The following KCNIP1 variants were observed in gnomAD, a reference collection of about 807,000 sequenced individuals.
KCNIP1 encodes A-type potassium channel modulatory protein KCNIP1.
A neutral mutation model predicts 33.0 loss-of-function variants in KCNIP1; 18 were observed. The observed-to-expected ratio is 0.55, with a 90% CI of 0.38 to 0.81. The LOEUF (loss-of-function observed/expected upper bound fraction) is 0.81, where lower values mean the gene tolerates loss of function less well. Among genes scored for constraint, KCNIP1 ranks in the 30% least tolerant of loss-of-function variants. The pLI is 0.00. For synonymous variants in KCNIP1, 93 were observed against 98.3 expected, an observed-to-expected ratio of 0.95 and a Z score of 0.32; for missense variants, 238 against 271.6, an observed-to-expected ratio of 0.88 and a Z score of 0.87.
intron 1 of KCNIP1, among the ~76,000 whole-genome samples, chr5:170,581,833 A>G (rs899351190): frequency 1.3e-5 from 2 of 152,212 alleles, no homozygotes; most frequent in African/African-American, 2.4e-5. Context: ...ACAGACTGTC[A>G]AGAAGCATGG....
At chr5:170,451,722 A>AC (rs746454413) in intron 1 of KCNIP1, among the ~76,000 whole-genome samples, 1,389 of 77,300 alleles carry the variant, frequency 0.018, 10 homozygotes, top group South Asian at 0.05. Context: ...CTTCTCCTGC[A>AC]TTGTGTGTGT....
chr5:170,633,128 A>G (rs1337416686), intron 1 of KCNIP1, among the ~76,000 whole-genome samples: 1 of 152,102 alleles, frequency 6.6e-6, no homozygotes. Context: ...TTCCCCAGGC[A>G]TTCTCGGGGT....
chr5:170,650,465 T>C (rs762162143), intron 1 of KCNIP1, among the ~76,000 whole-genome samples: 45 of 152,242 alleles, frequency 3.0e-4, no homozygotes, highest in Admixed American at 6.5e-4. Context: ...TTCTGCATTA[T>C]TCTGGGACTC....
intron 1 of KCNIP1, among the ~76,000 whole-genome samples, chr5:170,707,968 C>A (rs1422059622): frequency 6.6e-6 from 1 of 152,038 alleles, no homozygotes; most frequent in Non-Finnish European, 1.5e-5. Flanking sequence ...GAAAAAAATA[C>A]GTGGAACACT....
At chr5:170,667,798 A>G (rs1761762726) in intron 1 of KCNIP1, among the ~76,000 whole-genome samples, 1 of 152,256 alleles carries the variant, frequency 6.6e-6, no homozygotes, top group South Asian at 2.1e-4. Flanking sequence ...CACAGTACCT[A>G]GCACAGAGTA....
intron 1 of KCNIP1, among the ~76,000 whole-genome samples, chr5:170,401,711 G>A (rs1051033571): frequency 7.9e-5 from 12 of 151,552 alleles, no homozygotes; most frequent in African/African-American, 1.9e-4. Flanking sequence ...GCAGTAAGCC[G>A]TGATTTCGCC....
chr5:170,645,029 A>C (rs1024164806), intron 1 of KCNIP1, among the ~76,000 whole-genome samples: 1 of 152,192 alleles, frequency 6.6e-6, no homozygotes, highest in Non-Finnish European at 1.5e-5. Flanking sequence ...CTCAGTGGCT[A>C]ATTTGAGCAT....
chr5:170,691,805 C>T (rs1215801724), intron 1 of KCNIP1, among the ~76,000 whole-genome samples: 1 of 152,110 alleles, frequency 6.6e-6, no homozygotes, highest in East Asian at 1.9e-4. Context: ...CCCAACACTT[C>T]CCTCCAGGCA....
Position 170,675,935 on chromosome 5 carries a change from A to G in KCNIP1, c.62-42823A>G, listed in dbSNP as rs1426945264. Reference sequence around the variant, plus strand: ...CTTTGCAAATTAAAAATCCTAAAGGACATTTTAGACCTTATGAACTTCCTA... The same window carrying G: ...CTTTGCAAATTAAAAATCCTAAAGGGCATTTTAGACCTTATGAACTTCCTA... On this transcript the variant is annotated intron_variant, in intron 1 of 7. Transcript: ENST00000328939. 6.7e-5 allele frequency among the ~76,000 whole-genome samples: 10 copies of G among 149,068 alleles called. No homozygotes were observed. In the South Asian group the frequency reaches 1.5e-3, roughly 23 times the overall value.
chr5:170,513,254 A>T (rs1041611502), intron 1 of KCNIP1, among the ~76,000 whole-genome samples: 2 of 152,210 alleles, frequency 1.3e-5, no homozygotes, highest in African/African-American at 4.8e-5. Context: ...TTTAAGCCTC[A>T]TTTTACAAAT....
intron 5 of KCNIP1, among the ~76,000 whole-genome samples, chr5:170,725,151 T>C (rs1374397209): frequency 6.6e-6 from 1 of 152,192 alleles, no homozygotes; most frequent in Non-Finnish European, 1.5e-5. Context: ...AGCTACCATA[T>C]GATCCAACAA....
At chr5:170,402,485 G>C (rs573009622) in intron 1 of KCNIP1, among the ~76,000 whole-genome samples, 1 of 152,090 alleles carries the variant, frequency 6.6e-6, no homozygotes, top group Non-Finnish European at 1.5e-5. Flanking sequence ...TGGTTGCTGG[G>C]GGAACCAGGC....
chr5:170,618,388 A>G (rs1759468847), intron 1 of KCNIP1, among the ~76,000 whole-genome samples: 1 of 147,042 alleles, frequency 6.8e-6, no homozygotes, highest in African/African-American at 2.5e-5. Flanking sequence ...CATCTTCTCT[A>G]TATCTCTTAT....
chr5:170,445,970 T>C (rs1756103900), intron 1 of KCNIP1, among the ~76,000 whole-genome samples: 1 of 152,232 alleles, frequency 6.6e-6, no homozygotes, highest in Non-Finnish European at 1.5e-5. Context: ...CAAGGGAAAT[T>C]GCCACATGGC....
At chr5:170,477,409 C>T (rs1756881822) in intron 1 of KCNIP1, among the ~76,000 whole-genome samples, 2 of 151,546 alleles carry the variant, frequency 1.3e-5, no homozygotes, top group South Asian at 4.2e-4. Context: ...GTGTTTATTT[C>T]CTGGGTTGGC....
intron 1 of KCNIP1, among the ~76,000 whole-genome samples, chr5:170,576,614 T>C (rs186535899): frequency 1.3e-5 from 2 of 152,316 alleles, no homozygotes; most frequent in East Asian, 1.9e-4. Context: ...TATTAGCCAC[T>C]CGGACAAGTG....
In KCNIP1 at chr5:170,394,762, T is replaced by C. The variant is rs116099748; in HGVS notation, c.88+40798T>C. Reference sequence around the variant, plus strand: ...CCTTTGCCCCACTCCCTCCTTCCTTTTGGAGTCCCCAGTATCTATTATTCC... The same window carrying C: ...CCTTTGCCCCACTCCCTCCTTCCTTCTGGAGTCCCCAGTATCTATTATTCC... On this transcript the variant is annotated intron_variant, in intron 1 of 7. Transcript: ENST00000377360. 4.5e-3 allele frequency among the ~76,000 whole-genome samples: 683 copies of C among 152,290 alleles called. 5 individuals are homozygous for C. The highest frequency in any genetic ancestry group is 0.015 in the African/African-American group (638 of 41,558).
intron 1 of KCNIP1, among the ~76,000 whole-genome samples, chr5:170,636,417 G>T (rs981109812): frequency 3.3e-5 from 5 of 152,168 alleles, no homozygotes; most frequent in African/African-American, 1.2e-4. Context: ...TATCACAGGG[G>T]GGTGGCCGAG....
intron 1 of KCNIP1, among the ~76,000 whole-genome samples, chr5:170,382,174 C>A (rs965343747): frequency 2.6e-5 from 4 of 152,318 alleles, no homozygotes; most frequent in South Asian, 4.1e-4. Context: ...CACCTGTAGG[C>A]TCCATCTTCC....
Sources: gnomAD v4.1 joint callset for allele counts (sites outside exome capture counted in the v4.1 genomes callset) on GRCh38, gnomAD v4.1.1 for gene constraint, MANE v1.5 for transcripts, NCBI Gene and HGNC (gene_info 2026-07-23, HGNC 2026-07-21) for gene names.